LDLRAP1: variants seen among roughly 807,000 people sequenced by gnomAD.
The protein encoded by LDLRAP1 is low density lipoprotein receptor adaptor protein 1.
A neutral mutation model predicts 37.8 loss-of-function variants in LDLRAP1; 30 were observed. The ratio of observed to expected loss-of-function variants is 0.79; its 90% CI spans 0.59 to 1.08. The LOEUF is 1.08. Among genes scored for constraint, LDLRAP1 ranks in the 50% least tolerant of loss-of-function variants. The probability of loss-of-function intolerance (pLI) is 0.00; values close to 1 mark genes in which losing one functional copy is unlikely to be tolerated. For synonymous variants in LDLRAP1, 156 were observed against 169.8 expected (o/e 0.92, Z 0.63); for missense variants, 375 against 401.6 (o/e 0.93, Z 0.57).
downstream of LDLRAP1, among the ~76,000 whole-genome samples, chr1:25,570,373 C>A (rs978804701): frequency 6.6e-6 from 1 of 152,194 alleles, no homozygotes; most frequent in Admixed American, 6.5e-5. Context: ...TTTGACGTGA[C>A]TTTCAGCTTC....
intron 6 of LDLRAP1, 143 bp from the exon 7 acceptor site, chr1:25,563,517 TG>T: frequency 9.5e-7 from 1 of 1,048,258 alleles, no homozygotes; most frequent in Non-Finnish European, 1.4e-6. Context: ...GCATCTGCTG[TG>T]GGGAGGTGCC....
chr1:25,559,139 G>C (rs2044282800), intron 4 of LDLRAP1, among the ~76,000 whole-genome samples: 1 of 152,160 alleles, frequency 6.6e-6, no homozygotes, highest in South Asian at 2.1e-4. Context: ...TCTCCTGTGA[G>C]TTCCCACAGA....
chr1:25,551,014 G>A (rs149864085), intron 1 of LDLRAP1, among the ~76,000 whole-genome samples: 5 of 152,278 alleles, frequency 3.3e-5, no homozygotes, highest in African/African-American at 1.2e-4. Flanking sequence ...GAAAATGGGG[G>A]CTGGAGAGGG....
chr1:25,544,993 C>T lies in LDLRAP1; in HGVS notation c.88+1207C>T, dbSNP rs1348180807. Among the ~76,000 whole-genome samples, 1 of 152,246 alleles carries T rather than the reference C, an allele frequency of 6.6e-6. No homozygotes were observed. Among genetic ancestry groups the T allele is most frequent in the Non-Finnish European group, 1.5e-5 (1 of 68,044 alleles). On this transcript the variant is annotated intron_variant, in intron 1 of 8. Coordinates refer to ENST00000374338, the MANE Select transcript of LDLRAP1 (RefSeq NM_015627.3). The surrounding 1 kb of genome is among the most constrained non-coding windows in gnomAD (Gnocchi z 4.8). The stretch of plus-strand genomic sequence containing the variant: ...CCACTCTGTTGTTCAGCTGTGGCCG[C>T]CTCCCAGCTGAGACTGGCATTGGCA...
the LDLRAP1 span, among the ~76,000 whole-genome samples, chr1:25,587,019 C>CTAAAATT: frequency 6.6e-6 from 1 of 152,188 alleles, no homozygotes; most frequent in Admixed American, 6.5e-5. Context: ...ACTGAGCCCT[C>CTAAAATT]GTCTTTTAGA....
chr1:25,564,104 T>C (rs1429260489), intron 7 of LDLRAP1: 2 of 400,194 alleles, frequency 5.0e-6, no homozygotes, highest in African/African-American at 4.1e-5. Flanking sequence ...GTGGCAGAGC[T>C]CGCTCCTACC....
chr1:25,577,456 C>T, the LDLRAP1 span, among the ~76,000 whole-genome samples: 2 of 152,168 alleles, frequency 1.3e-5, no homozygotes, highest in South Asian at 2.1e-4. Context: ...TCAAGGAACT[C>T]GAGGTTCATG....
chr1:25,555,017 C>A lies in LDLRAP1; in HGVS notation c.344+45C>A. ...GGCCCATCCACTCTGCCACTTGGGG[C>A]AGTGGGTGGAGTATCCCATCTGAAT... is the stretch of plus-strand genomic sequence containing the variant. On this transcript the variant is annotated intron_variant, in intron 3 of 8. Transcript: ENST00000374338. The surrounding 1 kb of genome is among the most constrained non-coding windows in gnomAD (Gnocchi z 4.7). 2 of 1,392,326 alleles carry A rather than the reference C, an allele frequency of 1.4e-6. No individual in the cohort carries two copies. The highest frequency in any genetic ancestry group is 2.0e-6 in the Non-Finnish European group (2 of 979,950). 86.2% of individuals were successfully genotyped at this position (1,392,326 alleles called of 1,614,324 possible).
chr1:25,581,111 C>T, the LDLRAP1 span, among the ~76,000 whole-genome samples: 35 of 152,224 alleles, frequency 2.3e-4, no homozygotes, highest in African/African-American at 7.2e-4. Context: ...AAGAGGGTGC[C>T]GTGCTGGGCT....
the LDLRAP1 span, among the ~76,000 whole-genome samples, chr1:25,577,019 A>C: frequency 6.6e-6 from 1 of 152,168 alleles, no homozygotes; most frequent in Admixed American, 6.5e-5. Flanking sequence ...GCGGCTCTCC[A>C]TGGCGATGTT....
At chr1:25,562,501 G>T (rs145238314) in intron 4 of LDLRAP1, 143 bp from the exon 5 acceptor site, 5 of 709,350 alleles carry the variant, frequency 7.0e-6, no homozygotes, top group East Asian at 2.7e-5. Flanking sequence ...TGCCCAGCAG[G>T]CATTCCAGAG....
Position 25,548,335 on chromosome 1 carries a change from CTTTTTTTTTT to C in LDLRAP1, c.88+4570_88+4579del, listed in dbSNP as rs144789866. On this transcript the variant is annotated intron_variant, in intron 1 of 8. Transcript: ENST00000374338. Reference sequence around the variant, plus strand: ...CAAGACAACCCCATGGATGGATACTCTTTTTTTTTTTTTTTTTTTTTTTTTTTTTTAAGAG... The same window carrying C: ...CAAGACAACCCCATGGATGGATACTCTTTTTTTTTTTTTTTTTTTTAAGAG... Among the ~76,000 whole-genome samples, 106 of 82,312 alleles carry C rather than the reference CTTTTTTTTTT, an allele frequency of 1.3e-3. 4 individuals carry two copies. In the South Asian group the frequency reaches 0.037, roughly 29 times the overall value. 54.0% of individuals were successfully genotyped at this position (82,312 alleles called of 152,430 possible).
At chr1:25,577,478 C>T in the LDLRAP1 span, among the ~76,000 whole-genome samples, 81 of 152,156 alleles carry the variant, frequency 5.3e-4, no homozygotes, top group Non-Finnish European at 5.6e-4. Flanking sequence ...AGGGAACAGA[C>T]GAGGAGCCAG....
the LDLRAP1 span, among the ~76,000 whole-genome samples, chr1:25,580,061 C>G: frequency 7.7e-4 from 118 of 152,332 alleles, 1 homozygote; most frequent in East Asian, 0.022. Context: ...GAAGTGGGCT[C>G]AGAGAGAGAA....
chr1:25,572,790 G>A (rs186345973), downstream of LDLRAP1, among the ~76,000 whole-genome samples: 2 of 152,326 alleles, frequency 1.3e-5, no homozygotes, highest in African/African-American at 4.8e-5. Context: ...AGAAGAGGCT[G>A]GAGAAAGGAC....
chr1:25,582,647 A>G, the LDLRAP1 span, among the ~76,000 whole-genome samples: 1 of 151,968 alleles, frequency 6.6e-6, no homozygotes, highest in Non-Finnish European at 1.5e-5. Context: ...CATTACATAC[A>G]CTGACATTGT....
intron 7 of LDLRAP1, 161 bp downstream of exon 7, chr1:25,563,952 A>G: frequency 2.3e-6 from 2 of 868,514 alleles, no homozygotes; most frequent in South Asian, 1.4e-5. Flanking sequence ...GGGATGAACA[A>G]TGTCCCTTTT....
Position 25,555,959 on chromosome 1 carries a change from G to A in LDLRAP1, c.344+987G>A, listed in dbSNP as rs1247645977. Among the ~76,000 whole-genome samples the A allele has an allele frequency of 2.6e-5, 4 of 152,110 alleles. No individual in the cohort carries two copies. The highest frequency in any genetic ancestry group is 4.1e-4 in the South Asian group (2 of 4,830). On this transcript the variant is annotated intron_variant, in intron 3 of 8. Transcript: ENST00000374338. This position sits in a 1 kb window ranked among gnomAD's most constrained non-coding sequence, Gnocchi z 4.7. Reference sequence around the variant, plus strand: ...GAGGAGATCTGCCTGGGGAAATCCCGGAAGGCCTCCCAGGGGAGGCGGCAC... The same window carrying A: ...GAGGAGATCTGCCTGGGGAAATCCCAGAAGGCCTCCCAGGGGAGGCGGCAC...
intron 1 of LDLRAP1, among the ~76,000 whole-genome samples, chr1:25,549,596 C>T (rs1572025541): frequency 6.6e-6 from 1 of 152,228 alleles, no homozygotes; most frequent in Non-Finnish European, 1.5e-5. Flanking sequence ...GTTAAAATAG[C>T]GCAGTCATTA....
Sources: gnomAD v4.1 joint callset for allele counts (sites outside exome capture counted in the v4.1 genomes callset) on GRCh38, gnomAD v4.1.1 for gene constraint, Gnocchi (gnomAD v3.1) non-coding constraint, MANE v1.5 for transcripts, NCBI Gene and HGNC (gene_info 2026-07-23, HGNC 2026-07-21) for gene names.